NEXN: variants seen among roughly 807,000 people sequenced by gnomAD.
The protein encoded by NEXN is nexilin F-actin binding protein.
Under a neutral mutation model 92.6 loss-of-function variants are expected in NEXN, and 65 were observed. That is an observed-to-expected ratio of 0.70 (90% CI 0.57 to 0.86). NEXN has a LOEUF of 0.86. NEXN is among the 40% of genes least tolerant of loss of function. The probability of loss-of-function intolerance (pLI) is 0.00; values close to 1 mark genes in which losing one functional copy is unlikely to be tolerated. For synonymous variants in NEXN, 254 were observed against 242.5 expected (o/e 1.05, Z -0.44); for missense variants, 778 against 771.1 (o/e 1.01, Z -0.11).
chr1:77,935,700 C>T lies in NEXN; in HGVS notation c.1252-123C>T, dbSNP rs550211871. On this transcript the variant is annotated intron_variant, in intron 10 of 12. Transcript: ENST00000334785. The stretch of plus-strand genomic sequence containing the variant: ...ACACATGGTGGCATGTGCCTGTAGT[C>T]CCAGCTCCTTGGGAAGCTGAGGCAG... 7 of 788,046 alleles carry T rather than the reference C, an allele frequency of 8.9e-6. No individual in the cohort carries two copies. The African/African-American group carries it at 1.2e-4, about 14-fold the overall frequency. 48.8% of individuals were successfully genotyped at this position (788,046 alleles called of 1,614,324 possible). A position where few individuals can be genotyped will look rare whatever the true frequency, so the allele number is the denominator to read the frequency against.
At chr1:77,931,306 C>T (rs545214975) in intron 9 of NEXN, among the ~76,000 whole-genome samples, 1 of 144,498 alleles carries the variant, frequency 6.9e-6, no homozygotes, top group African/African-American at 2.6e-5. Flanking sequence ...CCCAGCTACT[C>T]AGAGGCTGAG....
intron 1 of NEXN, among the ~76,000 whole-genome samples, chr1:77,898,453 G>A (rs1312702062): frequency 6.6e-6 from 1 of 152,184 alleles, no homozygotes. Flanking sequence ...AAACTGGCTA[G>A]CCATATGTAG....
chr1:77,932,450 CTAT>C (rs552026363), intron 9 of NEXN, among the ~76,000 whole-genome samples: 122 of 152,286 alleles, frequency 8.0e-4, no homozygotes, highest in African/African-American at 2.8e-3. Flanking sequence ...CAAGTATTAA[CTAT>C]TATTATTTCT....
chr1:77,907,414 A>G (rs931990823), intron 1 of NEXN, among the ~76,000 whole-genome samples: 4 of 152,250 alleles, frequency 2.6e-5, no homozygotes, highest in East Asian at 1.9e-4. Context: ...TGTGAGTTCT[A>G]TTGGTTTGTA....
intron 10 of NEXN, among the ~76,000 whole-genome samples, 178 bp downstream of exon 10, chr1:77,933,657 C>T (rs1650494159): frequency 6.6e-6 from 1 of 152,206 alleles, no homozygotes; most frequent in African/African-American, 2.4e-5. Flanking sequence ...TCTGCTTTAA[C>T]TACTCCTTCC....
rs1648710312 is a variant in NEXN, at chr1:77,913,110, C to T, written c.-52-2945C>T. On this transcript the variant is annotated intron_variant, in intron 1 of 12. Transcript: ENST00000334785. ...AACTCTGTAATAAGAATACAAACAA[C>T]CCAATTAAAAAATGGACCAAAGGGC... 2.0e-5 allele frequency among the ~76,000 whole-genome samples: 3 copies of T among 152,160 alleles called. No homozygotes were observed. The South Asian group carries it at 6.2e-4, about 32-fold the overall frequency.
chr1:77,931,223 TAAAAATACAAAAAAA>T lies in NEXN; in HGVS notation c.1053+1725_1053+1739del, dbSNP rs1211883678. Among the ~76,000 whole-genome samples, 219 of 82,944 alleles carry T rather than the reference TAAAAATACAAAAAAA, an allele frequency of 2.6e-3. 1 individual carries two copies. The highest frequency in any genetic ancestry group is 0.011 in the African/African-American group (198 of 17,450). 54.4% of individuals were successfully genotyped at this position (82,944 alleles called of 152,430 possible). A position where few individuals can be genotyped will look rare whatever the true frequency, so the allele number is the denominator to read the frequency against. On this transcript the variant is annotated intron_variant, in intron 9 of 12. Coordinates refer to ENST00000334785, the MANE Select transcript of NEXN (RefSeq NM_144573.4). ...TAACATGTTGAAACCCCGTCTCTAC[TAAAAATACAAAAAAA>T]AAAAAAAAAAAAAAAAAAAAAAAAA...
chr1:77,930,599 A>G (rs934065357), intron 9 of NEXN, among the ~76,000 whole-genome samples: 2 of 152,202 alleles, frequency 1.3e-5, no homozygotes, highest in Admixed American at 6.5e-5. Flanking sequence ...AAATTTCTTT[A>G]TAGTCTTGCT....
chr1:77,941,882 A>T (rs1651346960), intron 11 of NEXN, 141 bp from the exon 12 acceptor site: 1 of 752,298 alleles, frequency 1.3e-6, no homozygotes, highest in Admixed American at 2.4e-5. Flanking sequence ...AGTTAGAAAA[A>T]ATCTGAGTGT....
chr1:77,940,622 CA>C (rs1189455188), intron 11 of NEXN, among the ~76,000 whole-genome samples: 1 of 152,100 alleles, frequency 6.6e-6, no homozygotes, highest in African/African-American at 2.4e-5. Context: ...CTCAGAATAG[CA>C]ATTATTGTAC....
At chr1:77,930,436 T>C (rs1170787555) in intron 9 of NEXN, among the ~76,000 whole-genome samples, 1 of 152,218 alleles carries the variant, frequency 6.6e-6, no homozygotes, top group Non-Finnish European at 1.5e-5. Flanking sequence ...TGGGGCCAAC[T>C]CCTCATTAAC....
chr1:77,916,622 A>C (rs917889797), intron 2 of NEXN, among the ~76,000 whole-genome samples: 4 of 152,228 alleles, frequency 2.6e-5, no homozygotes, highest in Admixed American at 2.6e-4. Context: ...CAGAATTATA[A>C]AGTTAACCCT....
chr1:77,942,395 T>C (rs954750219), intron 12 of NEXN, 66 bp from the exon 13 acceptor site: 4 of 1,556,840 alleles, frequency 2.6e-6, no homozygotes, highest in Non-Finnish European at 3.5e-6. Context: ...CATTTCAAAA[T>C]TGTTACTAAA....
chr1:77,916,420 C>A (rs564924437), intron 2 of NEXN, among the ~76,000 whole-genome samples: 1 of 152,124 alleles, frequency 6.6e-6, no homozygotes, highest in African/African-American at 2.4e-5. Flanking sequence ...ATATTTTGTT[C>A]TTGATAACTC....
At chr1:77,905,823 G>C (rs1648071106) in intron 1 of NEXN, among the ~76,000 whole-genome samples, 1 of 152,112 alleles carries the variant, frequency 6.6e-6, no homozygotes, top group Non-Finnish European at 1.5e-5. Flanking sequence ...AGAATTAAAG[G>C]ATGAGTAGGA....
intron 1 of NEXN, among the ~76,000 whole-genome samples, chr1:77,913,091 G>A (rs765600305): frequency 5.3e-5 from 8 of 152,180 alleles, no homozygotes; most frequent in Non-Finnish European, 1.0e-4. Context: ...TTACAACTCT[G>A]TAATAAGAAT....
intron 9 of NEXN, among the ~76,000 whole-genome samples, chr1:77,930,633 T>G (rs896239110): frequency 1.6e-4 from 25 of 152,180 alleles, no homozygotes; most frequent in Admixed American, 4.6e-4. Context: ...CTCGTTTCAT[T>G]TCTTGATTCT....
chr1:77,899,162 A>T (rs1186739962), intron 1 of NEXN, among the ~76,000 whole-genome samples: 3 of 152,194 alleles, frequency 2.0e-5, no homozygotes, highest in Non-Finnish European at 4.4e-5. Flanking sequence ...TACTGGGTAT[A>T]TACCCAAAGG....
At chr1:77,917,506 T>C in intron 2 of NEXN, 60 bp from the exon 3 acceptor site, 1 of 1,203,820 alleles carries the variant, frequency 8.3e-7, no homozygotes, top group South Asian at 1.3e-5. Flanking sequence ...TATCTATCTT[T>C]ACCTAATTTC....
Sources: allele counts gnomAD v4.1 joint callset (sites outside exome capture counted in the v4.1 genomes callset), GRCh38; gene constraint gnomAD v4.1.1; transcripts MANE v1.5; gene names NCBI Gene and HGNC (gene_info 2026-07-23, HGNC 2026-07-21).